The following TTC3 variants were observed in gnomAD, a reference collection of about 807,000 sequenced individuals.
TTC3 encodes tetratricopeptide repeat domain 3.
In TTC3, 180 loss-of-function variants were observed where a neutral mutation model predicts 249.6. That is an observed-to-expected ratio of 0.72 (90% CI 0.64 to 0.82). The LOEUF (loss-of-function observed/expected upper bound fraction) is 0.82. Among genes scored for constraint, TTC3 ranks in the 40% least tolerant of loss-of-function variants. TTC3 has a pLI of 0.00. For synonymous variants in TTC3, 717 were observed against 805.0 expected (o/e 0.89, Z 1.85); for missense variants, 2,061 against 2,398.4 (o/e 0.86, Z 2.94).
intron 26 of TTC3, 26 bp downstream of exon 26, chr21:37,152,055 A>C (rs1163662552): frequency 1.2e-5 from 18 of 1,541,622 alleles, no homozygotes; most frequent in Non-Finnish European, 1.5e-5. Flanking sequence ...AGGCATGATA[A>C]GAATAATATA....
chr21:37,084,553 G>A (rs1263242346), intron 1 of TTC3, among the ~76,000 whole-genome samples: 4 of 152,102 alleles, frequency 2.6e-5, no homozygotes, highest in African/African-American at 9.7e-5. Flanking sequence ...TTTGATATGC[G>A]AGGAAACACA....
chr21:37,163,629 C>T (rs567051035), intron 31 of TTC3, among the ~76,000 whole-genome samples: 4 of 152,242 alleles, frequency 2.6e-5, no homozygotes, highest in East Asian at 1.9e-4. Context: ...GGATTACAGG[C>T]GTGAGCCACC....
chr21:37,191,884 C>G (rs189942506), intron 40 of TTC3, among the ~76,000 whole-genome samples: 1 of 152,176 alleles, frequency 6.6e-6, no homozygotes, highest in African/African-American at 2.4e-5. Flanking sequence ...CCACCGCGCC[C>G]AGCCGGAAGT....
chr21:37,191,453 C>A (rs2084085334), intron 40 of TTC3, 29 bp downstream of exon 40: 1 of 1,421,800 alleles, frequency 7.0e-7, no homozygotes, highest in Non-Finnish European at 9.5e-7. Flanking sequence ...TTAATCCCAT[C>A]AAAATCTTTA....
intron 10 of TTC3, chr21:37,096,870 T>G (rs2073997443): frequency 2.6e-6 from 1 of 384,046 alleles, no homozygotes; most frequent in Non-Finnish European, 4.6e-6. Context: ...TTAAGTGCTT[T>G]GCATATGTTA....
rs751964539 is a variant in TTC3, at chr21:37,187,060, CA to C, written c.4841del (p.Asn1614MetfsTer4). On this transcript the variant is annotated frameshift_variant, in exon 38 of 46. Transcript: ENST00000355666. LOFTEE classifies it high-confidence loss of function. ...TTCAATATTTGTAGCAACACACTTA[CA>C]AATGAGAAAATGAAAATAGAAGAGT... 6 of 1,533,758 alleles carry C rather than the reference CA, an allele frequency of 3.9e-6. No individual in the cohort carries two copies. The highest frequency in any genetic ancestry group is 4.4e-6 in the Non-Finnish European group (5 of 1,149,270).
intron 44 of TTC3, among the ~76,000 whole-genome samples, chr21:37,199,082 C>T (rs897778835): frequency 2.6e-5 from 4 of 152,146 alleles, no homozygotes; most frequent in African/African-American, 9.7e-5. Context: ...GGGCATGAAC[C>T]CTCCTTCTGC....
intron 21 of TTC3, 149 bp downstream of exon 21, chr21:37,144,794 C>G (rs763428008): frequency 9.7e-7 from 1 of 1,028,414 alleles, no homozygotes; most frequent in Non-Finnish European, 1.4e-6. Context: ...GAATCTCTGA[C>G]ATTTATTGAA....
intron 22 of TTC3, 56 bp from the exon 23 acceptor site, chr21:37,148,490 G>A (rs2079171220): frequency 8.0e-6 from 7 of 869,654 alleles, no homozygotes; most frequent in Middle Eastern, 3.6e-4. Context: ...GTTGTAGTGA[G>A]TGAGTGTGCA....
chr21:37,096,694 T>C lies in TTC3; in HGVS notation c.845+51T>C, dbSNP rs1268725447. 5 of 1,401,802 alleles carry C rather than the reference T, an allele frequency of 3.6e-6. No homozygotes were observed. In the African/African-American group the frequency reaches 4.3e-5, roughly 12 times the overall value. 86.8% of individuals were successfully genotyped at this position (1,401,802 alleles called of 1,614,324 possible). A position where few individuals can be genotyped will look rare whatever the true frequency, so the allele number is the denominator to read the frequency against. On this transcript the variant is annotated intron_variant, in intron 10 of 45. Transcript: ENST00000355666. Reference sequence around the variant, plus strand: ...ACTGAATTATTATGCTAAATACCCATTTTTGGGAAACGTTTCTGTTTTTCA... The same window carrying C: ...ACTGAATTATTATGCTAAATACCCACTTTTGGGAAACGTTTCTGTTTTTCA...
At chr21:37,117,416 T>G (rs1028617609) in intron 11 of TTC3, among the ~76,000 whole-genome samples, 1 of 152,188 alleles carries the variant, frequency 6.6e-6, no homozygotes, top group Non-Finnish European at 1.5e-5. Context: ...GTCATTCTTT[T>G]GCTTGAAACA....
chr21:37,166,919 G>A (rs989551508), intron 33 of TTC3, among the ~76,000 whole-genome samples: 4 of 152,160 alleles, frequency 2.6e-5, no homozygotes, highest in Non-Finnish European at 5.9e-5. Context: ...AGGTGCTGGA[G>A]GAGAAGGTGG....
intron 11 of TTC3, among the ~76,000 whole-genome samples, chr21:37,110,000 C>T (rs929351487): frequency 2.7e-5 from 4 of 150,928 alleles, no homozygotes; most frequent in Non-Finnish European, 4.4e-5. Flanking sequence ...AGCTGAGGCT[C>T]CTGGCTGTTA....
chr21:37,107,693 A>G (rs937823796), intron 10 of TTC3: 1 of 152,222 alleles, frequency 6.6e-6, no homozygotes, highest in Admixed American at 6.5e-5. Flanking sequence ...TCCATGCTCT[A>G]TTCAGTGTAG....
At position 37,196,111 on chromosome 21, in the gene TTC3, G is replaced by A; in HGVS notation, c.5579+75G>A. 7 of 1,551,498 alleles carry A rather than the reference G, an allele frequency of 4.5e-6. No homozygotes were observed. In the South Asian group the frequency reaches 8.7e-5, roughly 19 times the overall value. On this transcript the variant is annotated intron_variant, in intron 42 of 45. Coordinates refer to ENST00000355666, the Ensembl canonical transcript of TTC3. ...GGTTTCCTGATTAGATAAAATCATG[G>A]CTAGTTAGGTGTTAACATGAAAAGG...
In TTC3 at chr21:37,144,929, G is replaced by GA. The variant is rs529750303; in HGVS notation, c.1893+287dup. On this transcript the variant is annotated intron_variant, in intron 21 of 45. Coordinates refer to ENST00000355666, the Ensembl canonical transcript of TTC3. ...TGAGGAAGGTTAAGTTTAGAGAGGT[G>GA]AAATGATGCACTCAAGGTGAAACAG... Among the ~76,000 whole-genome samples, 418 of 152,328 alleles carry GA rather than the reference G, an allele frequency of 2.7e-3. 3 individuals carry two copies. The highest frequency in any genetic ancestry group is 4.2e-3 in the Non-Finnish European group (287 of 68,030).
chr21:37,133,455 T>C (rs1021477952), intron 17 of TTC3, among the ~76,000 whole-genome samples: 2 of 152,260 alleles, frequency 1.3e-5, no homozygotes, highest in Admixed American at 6.5e-5. Context: ...TTTTAAATTA[T>C]ATCTTTTTAC....
At chr21:37,158,222 G>T in intron 28 of TTC3, 1 of 985,294 alleles carries the variant, frequency 1.0e-6, no homozygotes, top group Non-Finnish European at 1.2e-6. Flanking sequence ...ATGCTGTCCC[G>T]GGACTGAGCT....
chr21:37,181,818 G>C (rs2082787220), intron 35 of TTC3, among the ~76,000 whole-genome samples: 1 of 152,134 alleles, frequency 6.6e-6, no homozygotes, highest in Admixed American at 6.5e-5. Context: ...AATCCATGTA[G>C]GTTGACTTTA....
Sources: allele counts gnomAD v4.1 joint callset (sites outside exome capture counted in the v4.1 genomes callset), GRCh38; gene constraint gnomAD v4.1.1; transcripts MANE v1.5; gene names NCBI Gene and HGNC (gene_info 2026-07-23, HGNC 2026-07-21).